The following MRPL34 variants were observed in gnomAD, a reference collection of about 807,000 sequenced individuals.
The protein encoded by MRPL34 is large ribosomal subunit protein bL34m.
In MRPL34, 8 loss-of-function variants were observed where a neutral mutation model predicts 6.7. That is an observed-to-expected ratio of 1.20 (90% CI 0.70 to 2.16). The LOEUF is 2.16. Ranked by LOEUF, MRPL34 falls within the 30% of genes most tolerant of loss-of-function variation. MRPL34 has a pLI of 0.00. For missense variants in MRPL34, 146 were observed against 125.5 expected (o/e 1.16, Z -0.78); for synonymous variants, 59 against 55.1 (o/e 1.07, Z -0.31).
At chr19:17,292,612 C>A in exon 1 of MRPL34, 1 of 1,550,216 alleles carries the variant, frequency 6.5e-7, no homozygotes. Flanking sequence ...GCTCGGGCCT[C>A]CTCCTGCTGC....
chr19:17,305,833 C>A (rs1438032908), upstream of MRPL34: 6 of 1,515,886 alleles, frequency 4.0e-6, no homozygotes, highest in East Asian at 9.0e-5. Flanking sequence ...TGTTCCAGGG[C>A]TGGAGCGGCT....
At chr19:17,301,672 C>T, upstream of MRPL34, 1 of 1,483,800 alleles carries the variant, frequency 6.7e-7, no homozygotes, top group Non-Finnish European at 8.9e-7. Flanking sequence ...CAATGAGAAC[C>T]CTGCACCGTG....
intron 1 of MRPL34, chr19:17,294,860 T>TG (rs753900162): frequency 6.2e-7 from 1 of 1,611,234 alleles, no homozygotes; most frequent in South Asian, 1.1e-5. Flanking sequence ...CCGGAACGGG[T>TG]GGGGTGATAG....
chr19:17,294,007 G>T (rs1462365148), intron 1 of MRPL34, among the ~76,000 whole-genome samples: 1 of 152,116 alleles, frequency 6.6e-6, no homozygotes, highest in East Asian at 1.9e-4. Flanking sequence ...CCGCTGTGAG[G>T]AGAGCCTTCT....
chr19:17,293,576 C>T (rs993698636), intron 1 of MRPL34, among the ~76,000 whole-genome samples: 1 of 152,090 alleles, frequency 6.6e-6, no homozygotes, highest in Non-Finnish European at 1.5e-5. Flanking sequence ...AGTAGTACCC[C>T]CTCCCCCTCA....
chr19:17,301,488 C>G (rs1304968406), upstream of MRPL34: 1 of 1,611,600 alleles, frequency 6.2e-7, no homozygotes, highest in African/African-American at 1.3e-5. Context: ...TCACCCGCAG[C>G]ACGCGGCCGG....
At chr19:17,292,614 T>A (rs901579247) in exon 1 of MRPL34, 4 of 1,553,664 alleles carry the variant, frequency 2.6e-6, no homozygotes, top group Admixed American at 1.9e-5. Flanking sequence ...TCGGGCCTCC[T>A]CCTGCTGCGG....
At chr19:17,292,861 G>A (rs749626190) in intron 1 of MRPL34, 3 of 1,597,492 alleles carry the variant, frequency 1.9e-6, no homozygotes, top group East Asian at 2.3e-5. Context: ...CAAGGTAGGC[G>A]GGGGCAAGAG....
chr19:17,306,591 GAA>G lies in MRPL34; in HGVS notation c.*213_*214del. 2 of 532,560 alleles carry G rather than the reference GAA, an allele frequency of 3.8e-6. No homozygotes were observed. The highest frequency in any genetic ancestry group is 6.6e-6 in the Non-Finnish European group (2 of 302,364). The allele number at this position is 532,560 out of a possible 1,614,324, so 33.0% of individuals were successfully genotyped here. On this transcript the variant is annotated 3_prime_UTR_variant, in exon 2 of 2. Transcript: ENST00000252602. ...TTTCGAACCTGCGCAACAGACCAAA[GAA>G]CAGTACAAAGAACATCCGTGTACCC...
At chr19:17,293,996 TC>T (rs1484925465) in intron 1 of MRPL34, among the ~76,000 whole-genome samples, 1 of 152,122 alleles carries the variant, frequency 6.6e-6, no homozygotes, top group African/African-American at 2.4e-5. Flanking sequence ...ATACAAATCC[TC>T]CGCTGTGAGG....
At chr19:17,294,161 G>A (rs977652491) in intron 1 of MRPL34, 3 of 1,197,564 alleles carry the variant, frequency 2.5e-6, no homozygotes, top group Admixed American at 2.5e-5. Flanking sequence ...CGCCCACCCG[G>A]CAGCCACGCC....
At chr19:17,294,580 A>AG (rs929035128) in intron 1 of MRPL34, 98 of 1,609,044 alleles carry the variant, frequency 6.1e-5, no homozygotes, top group Non-Finnish European at 8.0e-5. Flanking sequence ...TGCCAGCCCT[A>AG]GTCCCAGCGG....
upstream of MRPL34, among the ~76,000 whole-genome samples, chr19:17,304,600 C>T (rs1320245539): frequency 6.6e-6 from 1 of 152,160 alleles, no homozygotes; most frequent in Non-Finnish European, 1.5e-5. Flanking sequence ...CTCTTGCCCA[C>T]TAAGGGCACT....
At chr19:17,294,503 C>A in intron 1 of MRPL34, 1 of 1,613,776 alleles carries the variant, frequency 6.2e-7, no homozygotes, top group Non-Finnish European at 8.5e-7. Context: ...GCGAAGCCGG[C>A]CCTGGTGGTG....
intron 1 of MRPL34, 83 bp from the exon 2 acceptor site, chr19:17,306,083 G>T: frequency 6.6e-7 from 1 of 1,506,750 alleles, no homozygotes; most frequent in East Asian, 2.4e-5. Context: ...CTCTGTCTCC[G>T]GGAGCCGAGG....
Position 17,306,746 on chromosome 19 carries a change from C to A in MRPL34, c.*367C>A. ...AATGTATCTCTCCAAGATGAGAGCT[C>A]ATTAAAAGACAATTACAAAGCTTAT... On this transcript the variant is annotated 3_prime_UTR_variant, in exon 2 of 2. Transcript: ENST00000252602. The A allele has an allele frequency of 5.9e-6, 1 of 170,438 alleles. No individual in the cohort carries two copies. The highest frequency in any genetic ancestry group is 1.2e-5 in the Non-Finnish European group (1 of 80,274). The allele number at this position is 170,438 out of a possible 1,614,324, so 10.6% of individuals were successfully genotyped here. A position where few individuals can be genotyped will look rare whatever the true frequency, so the allele number is the denominator to read the frequency against.
exon 1 of MRPL34, chr19:17,292,612 C>T (rs753698173): frequency 1.3e-6 from 2 of 1,550,216 alleles, no homozygotes; most frequent in Non-Finnish European, 8.7e-7. Context: ...GCTCGGGCCT[C>T]CTCCTGCTGC....
At chr19:17,297,172 G>A (rs944691924) in intron 1 of MRPL34, among the ~76,000 whole-genome samples, 5 of 152,238 alleles carry the variant, frequency 3.3e-5, no homozygotes, top group Non-Finnish European at 7.3e-5. Flanking sequence ...CTTCCTGTAT[G>A]CCTTTGGGCA....
Position 17,306,303 on chromosome 19 carries a change from G to C in MRPL34, c.203G>C (p.Arg68Pro), listed in dbSNP as rs759420100. 5.0e-6 allele frequency: 8 copies of C among 1,610,254 alleles called. No individual in the cohort carries two copies. Among genetic ancestry groups the C allele is most frequent in the Middle Eastern group, 1.7e-4 (1 of 5,734 alleles). ...CGCAAGAACAAGCACGGCTGGGTCC[G>C]GCGCCTGAGCACGCCGGCCGGCGTG... The part of the protein sequence containing the change: ...IKRKNKHGWV[R>P]RLSTPAGVQV... The change falls in exon 2 of 2, where the codon CGG (arginine) becomes CCG (proline). Residue 68 changes from arginine (R) to proline (P), a missense_variant. By Grantham distance (103) the Arg-to-Pro change is moderately radical. Coordinates refer to ENST00000252602, the MANE Select transcript of MRPL34 (RefSeq NM_023937.4).
Sources: allele counts gnomAD v4.1 joint callset (sites outside exome capture counted in the v4.1 genomes callset), GRCh38; gene constraint gnomAD v4.1.1; transcripts MANE v1.5; gene names NCBI Gene and HGNC (gene_info 2026-07-23, HGNC 2026-07-21).